The following FGF13 variants were observed in gnomAD, a reference collection of about 807,000 sequenced individuals.
The protein encoded by FGF13 is fibroblast growth factor 13, also known as fibroblast growth factor homologous factor 2.
In FGF13, 2 loss-of-function variants were observed where a neutral mutation model predicts 19.5. The observed-to-expected ratio is 0.10, with a 90% CI of 0.04 to 0.32. The LOEUF (loss-of-function observed/expected upper bound fraction) is 0.32. Ranked by LOEUF, FGF13 falls within the 10% of genes least tolerant of loss-of-function variation. The pLI is 1.00. For missense variants in FGF13, 113 were observed against 192.7 expected (o/e 0.59, Z 2.45); for synonymous variants, 72 against 76.9 (o/e 0.94, Z 0.33).
chrX:138,817,227 T>C (rs1243651754), intron 3 of FGF13, among the ~76,000 whole-genome samples: 1 of 111,583 alleles, frequency 9.0e-6, no homozygotes, highest in Non-Finnish European at 1.9e-5. Flanking sequence ...TCCTGCTTAA[T>C]AGGACTTAGG....
rs1251444793 is a variant in FGF13, at chrX:138,625,471, C to CATATATATATATAATATATATATATACAT, written c.*7350_*7378dup. On this transcript the variant is annotated 3_prime_UTR_variant, in exon 5 of 5. Coordinates refer to ENST00000315930, the MANE Select transcript of FGF13 (RefSeq NM_004114.5). Reference sequence around the variant, plus strand: ...GAAGAAAGAAAATTATATATATATACATATATATATATAATATATATATAT... The same window carrying CATATATATATATAATATATATATATACAT: ...GAAGAAAGAAAATTATATATATATACATATATATATATAATATATATATATACATATATATATATATAATATATATATAT... 4.4e-5 allele frequency: 4 copies of CATATATATATATAATATATATATATACAT among 89,910 alleles called. No homozygotes were observed. Among genetic ancestry groups the CATATATATATATAATATATATATATACAT allele is most frequent in the Admixed American group, 1.3e-4 (1 of 7,736 alleles). The allele number at this position is 89,910 out of a possible 1,213,427, so 7.4% of individuals were successfully genotyped here. A position where few individuals can be genotyped will look rare whatever the true frequency, so the allele number is the denominator to read the frequency against.
At chrX:138,957,057 G>A (rs977301872) in intron 1 of FGF13, among the ~76,000 whole-genome samples, 10 of 111,378 alleles carry the variant, frequency 9.0e-5, no homozygotes, top group African/African-American at 2.9e-4. Flanking sequence ...ATTAGTATAT[G>A]CCTACGGGGA....
rs1412068088 is a variant in FGF13, at chrX:138,629,647, A to G, written c.*3203T>C. ...CCATGCAGAACTGTGAGTCAATTAA[A>G]CCTCTTTCCTTTATAAATTACCCAG... On this transcript the variant is annotated 3_prime_UTR_variant, in exon 5 of 5. Transcript: ENST00000315930. The G allele has an allele frequency of 1.8e-5, 2 of 111,069 alleles. No homozygotes were observed. The highest frequency in any genetic ancestry group is 6.6e-5 in the African/African-American group (2 of 30,445). 9.2% of individuals were successfully genotyped at this position (111,069 alleles called of 1,213,427 possible). A position where few individuals can be genotyped will look rare whatever the true frequency, so the allele number is the denominator to read the frequency against.
intron 3 of FGF13, among the ~76,000 whole-genome samples, chrX:138,833,867 A>G (rs1017484696): frequency 8.9e-6 from 1 of 112,027 alleles, no homozygotes; most frequent in African/African-American, 3.2e-5. Context: ...TTTAACATAA[A>G]TCAATGCTGA....
chrX:138,692,670 A>G (rs1360379859), intron 3 of FGF13, among the ~76,000 whole-genome samples: 2 of 111,055 alleles, frequency 1.8e-5, no homozygotes, highest in Admixed American at 9.6e-5. Context: ...AATGAATATA[A>G]CATTACATTT....
At chrX:139,140,900 G>A (rs1243985902) in intron 1 of FGF13, among the ~76,000 whole-genome samples, 1 of 110,096 alleles carries the variant, frequency 9.1e-6, no homozygotes, top group Non-Finnish European at 1.9e-5. Flanking sequence ...CCTTGAATAC[G>A]CCAATTCTCC....
At chrX:138,690,601 T>C (rs1408174911) in intron 3 of FGF13, among the ~76,000 whole-genome samples, 1 of 110,642 alleles carries the variant, frequency 9.0e-6, no homozygotes, top group Non-Finnish European at 1.9e-5. Flanking sequence ...TTGAAAACCA[T>C]TGTCCAGTGT....
intron 3 of FGF13, among the ~76,000 whole-genome samples, chrX:138,646,769 A>G (rs1483016231): frequency 2.7e-5 from 3 of 111,698 alleles, no homozygotes; most frequent in Non-Finnish European, 5.6e-5. Context: ...CAGGTAACAC[A>G]TATAAGGAGA....
chrX:138,652,668 C>A (rs867798244), intron 3 of FGF13, among the ~76,000 whole-genome samples: 26 of 112,011 alleles, frequency 2.3e-4, no homozygotes, highest in Admixed American at 6.7e-4. Flanking sequence ...CTGTTACGAA[C>A]TGCATTAAAA....
chrX:138,951,417 A>T (rs2091810803), intron 1 of FGF13, among the ~76,000 whole-genome samples: 1 of 112,166 alleles, frequency 8.9e-6, no homozygotes, highest in Non-Finnish European at 1.9e-5. Flanking sequence ...ATTAGGCATC[A>T]TCAAAATTGA....
intron 3 of FGF13, among the ~76,000 whole-genome samples, chrX:138,662,954 C>A (rs749967009): frequency 9.0e-6 from 1 of 110,945 alleles, no homozygotes; most frequent in South Asian, 3.8e-4. Context: ...GGTCCAAAGC[C>A]TTATTCAGGA....
At chrX:138,633,969 T>C (rs1383798054) in intron 4 of FGF13, among the ~76,000 whole-genome samples, 1 of 111,632 alleles carries the variant, frequency 9.0e-6, no homozygotes, top group East Asian at 2.8e-4. Flanking sequence ...CTCTTTGAAG[T>C]CTTCCTCTGC....
At chrX:139,009,685 C>T (rs142924995) in intron 1 of FGF13, among the ~76,000 whole-genome samples, 3 of 111,150 alleles carry the variant, frequency 2.7e-5, no homozygotes, top group Non-Finnish European at 5.7e-5. Flanking sequence ...TCAAAAAACC[C>T]CAAAATAGAA....
At chrX:138,663,661 G>C (rs1051175415) in intron 3 of FGF13, among the ~76,000 whole-genome samples, 2 of 111,580 alleles carry the variant, frequency 1.8e-5, no homozygotes, top group Non-Finnish European at 3.8e-5. Context: ...CCAACATTAT[G>C]TAAACATATA....
intron 3 of FGF13, among the ~76,000 whole-genome samples, chrX:138,674,679 A>G (rs1386445084): frequency 9.0e-6 from 1 of 110,946 alleles, no homozygotes; most frequent in Non-Finnish European, 1.9e-5. Flanking sequence ...CTGTAAATGT[A>G]GAAGGTAACA....
chrX:138,657,125 C>T (rs2089445395), intron 3 of FGF13, among the ~76,000 whole-genome samples: 3 of 111,099 alleles, frequency 2.7e-5, no homozygotes, highest in African/African-American at 9.8e-5. Context: ...TCTCCTTGAC[C>T]TTGTTCTTTA....
downstream of FGF13, among the ~76,000 whole-genome samples, chrX:138,856,354 A>G (rs1199335050): frequency 1.8e-5 from 2 of 111,589 alleles, no homozygotes; most frequent in Admixed American, 1.9e-4. Context: ...AGAAAAGGGG[A>G]AACTTTGAGT....
At chrX:139,019,628 A>T (rs2124382094) in intron 1 of FGF13, among the ~76,000 whole-genome samples, 1 of 111,060 alleles carries the variant, frequency 9.0e-6, no homozygotes, top group African/African-American at 3.3e-5. Flanking sequence ...AGTATAACTG[A>T]GGATAACTTT....
rs759833182 is a variant in FGF13, at chrX:138,710,874, T to C, written c.130A>G (p.Asn44Asp). Reference protein sequence around the residue: ...GKTSCDKNKLNVFSRVKLFGS... With the variant: ...GKTSCDKNKLDVFSRVKLFGS... ...AAGAGTTTGACCCGGGAAAAGACAT[T>C]TAACTTGTTTTTGTCGCAGCTGGTC... The change falls in exon 1 of 5, where the codon AAT becomes GAT. Residue 44 changes from asparagine to aspartate, a missense_variant. This residue lies in a region of FGF13 where 51 missense variants were observed against 78.5 expected (regional missense o/e 0.65). Coordinates refer to ENST00000315930, the MANE Select transcript of FGF13 (RefSeq NM_004114.5). The C allele has an allele frequency of 1.7e-6, 2 of 1,211,064 alleles. No homozygotes were observed. Among genetic ancestry groups the C allele is most frequent in the African/African-American group, 3.5e-5 (2 of 57,559 alleles).
Sources: gnomAD v4.1 joint callset for allele counts (sites outside exome capture counted in the v4.1 genomes callset) on GRCh38, gnomAD v4.1.1 for gene constraint, gnomAD v4.1.1 regional missense constraint, MANE v1.5 for transcripts, NCBI Gene and HGNC (gene_info 2026-07-23, HGNC 2026-07-21) for gene names.